Variants in PARD3B observed in about 807,000 individuals in gnomAD.
PARD3B encodes the protein partitioning defective 3 homolog B.
In PARD3B, 103 loss-of-function variants were observed where a neutral mutation model predicts 130.2. The observed-to-expected ratio is 0.79, with a 90% CI of 0.67 to 0.93. The LOEUF is 0.93. Among genes scored for constraint, PARD3B ranks in the 40% least tolerant of loss-of-function variants. PARD3B has a pLI of 0.00. For synonymous variants in PARD3B, 583 were observed against 553.2 expected (o/e 1.05, Z -0.76); for missense variants, 1,609 against 1,499.2 (o/e 1.07, Z -1.21).
rs115848045 is a variant in PARD3B, at chr2:204,659,725, C to T, written c.121-26456C>T. Among the ~76,000 whole-genome samples, 522 of 152,258 alleles carry T rather than the reference C, an allele frequency of 3.4e-3. 3 individuals carry two copies. Among genetic ancestry groups the T allele is most frequent in the African/African-American group, 0.012 (492 of 41,548 alleles). Reference sequence around the variant, plus strand: ...GGTTGGCACTGTGATCCAGGCTTCCCTATCCATGAATGGTGACATCTGAGA... The same window carrying T: ...GGTTGGCACTGTGATCCAGGCTTCCTTATCCATGAATGGTGACATCTGAGA... On this transcript the variant is annotated intron_variant, in intron 1 of 22. Transcript: ENST00000406610.
intron 22 of PARD3B, among the ~76,000 whole-genome samples, chr2:205,581,413 A>T (rs1264783151): frequency 2.3e-5 from 2 of 86,412 alleles, no homozygotes; most frequent in Non-Finnish European, 6.0e-5. Flanking sequence ...ATATAAGTAT[A>T]TATAAATATA....
At chr2:204,658,907 C>T (rs1180865598) in intron 1 of PARD3B, among the ~76,000 whole-genome samples, 4 of 152,166 alleles carry the variant, frequency 2.6e-5, no homozygotes, top group African/African-American at 7.2e-5. Context: ...TCCCCATCAT[C>T]GTTGCAGACA....
intron 16 of PARD3B, among the ~76,000 whole-genome samples, chr2:205,262,287 A>G (rs1363625499): frequency 2.0e-5 from 3 of 152,162 alleles, no homozygotes; most frequent in Non-Finnish European, 2.9e-5. Context: ...ACCTTGGTCA[A>G]CTTTAGTAAA....
chr2:205,164,902 C>G (rs1246754085), intron 11 of PARD3B, among the ~76,000 whole-genome samples: 1 of 149,282 alleles, frequency 6.7e-6, no homozygotes, highest in African/African-American at 2.5e-5. Context: ...AAATAAAACT[C>G]TGACCACAGT....
intron 18 of PARD3B, among the ~76,000 whole-genome samples, chr2:205,383,087 G>GATAC (rs2045514174): frequency 1.3e-5 from 1 of 78,498 alleles, no homozygotes; most frequent in South Asian, 3.4e-4. Context: ...AGTTTACATA[G>GATAC]ATAGATAGAT....
At chr2:205,068,331 G>T (rs985965382) in intron 4 of PARD3B, among the ~76,000 whole-genome samples, 2 of 152,238 alleles carry the variant, frequency 1.3e-5, no homozygotes, top group South Asian at 2.1e-4. Context: ...TACACTTTAT[G>T]TGTAGTTATG....
rs1180695780 is a variant in PARD3B, at chr2:205,421,610, C to G, written c.2742-18760C>G. Among the ~76,000 whole-genome samples the G allele has an allele frequency of 6.6e-6, 1 of 152,156 alleles. No individual in the cohort carries two copies. Among genetic ancestry groups the G allele is most frequent in the African/African-American group, 2.4e-5 (1 of 41,434 alleles). On this transcript the variant is annotated intron_variant, in intron 19 of 22. Transcript: ENST00000406610. The surrounding 1 kb of genome is among the most constrained non-coding windows in gnomAD (Gnocchi z 5.1). ...CTAAATACTTCTCTTTAGGTCTCATCATCAGTTCCATTCATTCATAATCAG... is the reference window on the plus strand; with the variant it reads ...CTAAATACTTCTCTTTAGGTCTCATGATCAGTTCCATTCATTCATAATCAG...
chr2:204,595,998 A>G (rs1432966937), intron 1 of PARD3B, among the ~76,000 whole-genome samples: 3 of 152,236 alleles, frequency 2.0e-5, no homozygotes, highest in Non-Finnish European at 4.4e-5. Flanking sequence ...GTGCTCTGCT[A>G]TCATGCAGCT....
At chr2:205,588,370 A>G (rs1454502160) in intron 22 of PARD3B, among the ~76,000 whole-genome samples, 1 of 152,214 alleles carries the variant, frequency 6.6e-6, no homozygotes, top group Non-Finnish European at 1.5e-5. Context: ...TATCCCAGAG[A>G]ATTCTTTCCA....
chr2:205,337,976 C>T (rs1430564064), intron 18 of PARD3B, among the ~76,000 whole-genome samples: 2 of 151,286 alleles, frequency 1.3e-5, no homozygotes, highest in African/African-American at 2.4e-5. Flanking sequence ...GGTGAAACCC[C>T]GTCTCTACTT....
intron 22 of PARD3B, among the ~76,000 whole-genome samples, chr2:205,555,597 G>C (rs1185114128): frequency 1.3e-5 from 2 of 152,136 alleles, no homozygotes; most frequent in Non-Finnish European, 2.9e-5. Flanking sequence ...ATGAATGTAT[G>C]AATTGACAAA....
Position 204,572,616 on chromosome 2 carries a change from A to G in PARD3B, c.120+26497A>G, listed in dbSNP as rs560438527. On this transcript the variant is annotated intron_variant, in intron 1 of 22. Coordinates refer to ENST00000406610, the MANE Select transcript of PARD3B (RefSeq NM_001302769.2). ...CTAGTTATTTATCAGAAATATTTCT[A>G]TAAATACAGAAGCTGTGTATTTTTT... Among the ~76,000 whole-genome samples, 8 of 152,346 alleles carry G rather than the reference A, an allele frequency of 5.3e-5. No homozygotes were observed. The East Asian group carries it at 1.5e-3, about 29-fold the overall frequency.
At chr2:205,374,335 C>T (rs1038562237) in intron 18 of PARD3B, among the ~76,000 whole-genome samples, 2 of 151,984 alleles carry the variant, frequency 1.3e-5, no homozygotes, top group African/African-American at 4.8e-5. Flanking sequence ...CTCTTGGGTC[C>T]CGGTTCAAGC....
intron 4 of PARD3B, 130 bp from the exon 5 acceptor site, chr2:205,104,296 T>G: frequency 1.6e-6 from 1 of 636,596 alleles, no homozygotes. Context: ...GCTTCCAGTT[T>G]TCAAAGAAAT....
At position 204,903,575 on chromosome 2, in the gene PARD3B, G is replaced by A. The variant is rs1419930476; in HGVS notation, c.223-61577G>A. On this transcript the variant is annotated intron_variant, in intron 2 of 22. Coordinates refer to ENST00000406610, the MANE Select transcript of PARD3B (RefSeq NM_001302769.2). ...AGCCAAGAATACTTACATGTTGCAA[G>A]AGAAACCTTCCTAATTTGTTCACAA... Among the ~76,000 whole-genome samples the A allele has an allele frequency of 2.6e-5, 4 of 152,244 alleles. No individual in the cohort carries two copies. The East Asian group carries it at 7.7e-4, about 29-fold the overall frequency.
At chr2:205,185,917 A>T (rs1460641229) in intron 14 of PARD3B, 54 bp downstream of exon 14, 2 of 1,407,200 alleles carry the variant, frequency 1.4e-6, no homozygotes, top group African/African-American at 2.8e-5. Flanking sequence ...TTTCTGGGAG[A>T]ACACAGCAAC....
chr2:205,100,166 C>T (rs976659737), intron 4 of PARD3B, among the ~76,000 whole-genome samples: 35 of 151,942 alleles, frequency 2.3e-4, no homozygotes, highest in African/African-American at 7.3e-4. Flanking sequence ...TGATTTGAGC[C>T]AGAAAGTATG....
intron 4 of PARD3B, among the ~76,000 whole-genome samples, chr2:205,067,847 A>G (rs1700485797): frequency 6.6e-6 from 1 of 152,136 alleles, no homozygotes; most frequent in Non-Finnish European, 1.5e-5. Context: ...TTTCATTTCT[A>G]TGGCCATTTA....
intron 10 of PARD3B, among the ~76,000 whole-genome samples, chr2:205,149,272 A>T (rs1189820351): frequency 6.6e-6 from 1 of 152,064 alleles, no homozygotes; most frequent in Non-Finnish European, 1.5e-5. Flanking sequence ...TCCGATTCTT[A>T]AACCCATGTT....
Sources: gnomAD v4.1 joint callset for allele counts (sites outside exome capture counted in the v4.1 genomes callset) on GRCh38, gnomAD v4.1.1 for gene constraint, Gnocchi (gnomAD v3.1) non-coding constraint, MANE v1.5 for transcripts, NCBI Gene and HGNC (gene_info 2026-07-23, HGNC 2026-07-21) for gene names.